The following DMD variants were observed in gnomAD, a reference collection of about 807,000 sequenced individuals.
DMD encodes the protein mutant dystrophin.
Under a neutral mutation model 330.1 loss-of-function variants are expected in DMD, and 63 were observed. That is an observed-to-expected ratio of 0.19 (90% CI 0.16 to 0.24). DMD has a LOEUF of 0.24. Among genes scored for constraint, DMD ranks in the 10% least tolerant of loss-of-function variants. The pLI is 1.00. For missense variants in DMD, 3,344 were observed against 2,684.1 expected, an observed-to-expected ratio of 1.25 and a Z score of -5.43; for synonymous variants, 1,223 against 959.8, an observed-to-expected ratio of 1.27 and a Z score of -5.07.
At chrX:32,527,490 G>A (rs1229362607) in intron 17 of DMD, among the ~76,000 whole-genome samples, 1 of 110,157 alleles carries the variant, frequency 9.1e-6, no homozygotes, top group Non-Finnish European at 1.9e-5. Context: ...CACATCATCT[G>A]TGAAGGTTTT....
intron 1 of DMD, among the ~76,000 whole-genome samples, chrX:33,176,354 CCT>C (rs1165101873): frequency 1.8e-5 from 2 of 109,981 alleles, no homozygotes; most frequent in African/African-American, 6.6e-5. Context: ...TGAAACTTCC[CCT>C]GAGTCGGAAC....
intron 52 of DMD, among the ~76,000 whole-genome samples, chrX:31,682,923 T>C (rs1171153995): frequency 8.9e-6 from 1 of 112,058 alleles, no homozygotes; most frequent in Non-Finnish European, 1.9e-5. Context: ...GTTCTTCCTA[T>C]TATGTAGGAA....
chrX:32,348,861 G>T (rs142364657), intron 37 of DMD, among the ~76,000 whole-genome samples: 1 of 111,319 alleles, frequency 9.0e-6, no homozygotes, highest in African/African-American at 3.3e-5. Context: ...TAAATATTCT[G>T]ATATAAATAC....
At chrX:33,058,181 AT>A (rs1230363503) in intron 1 of DMD, among the ~76,000 whole-genome samples, 1 of 112,082 alleles carries the variant, frequency 8.9e-6, no homozygotes, top group African/African-American at 3.2e-5. Context: ...CGCCCAGTCT[AT>A]ACCGCATTTT....
At chrX:33,226,003 G>C (rs762307499) in intron 1 of DMD, among the ~76,000 whole-genome samples, 1 of 111,133 alleles carries the variant, frequency 9.0e-6, no homozygotes, top group Non-Finnish European at 1.9e-5. Context: ...AGGGAAATTC[G>C]AATTAAAACC....
intron 12 of DMD, among the ~76,000 whole-genome samples, chrX:32,601,175 T>C (rs1045468044): frequency 9.9e-5 from 11 of 111,491 alleles, no homozygotes; most frequent in African/African-American, 3.6e-4. Flanking sequence ...TGCAGTGAAA[T>C]ATTCACTTTG....
chrX:31,354,869 G>C (rs2058591745), intron 60 of DMD, among the ~76,000 whole-genome samples: 2 of 111,831 alleles, frequency 1.8e-5, no homozygotes, highest in Admixed American at 1.9e-4. Context: ...CCTCTTATTT[G>C]TCAGGCACTG....
chrX:32,437,994 C>T (rs1388638666), intron 29 of DMD, among the ~76,000 whole-genome samples: 1 of 111,815 alleles, frequency 8.9e-6, no homozygotes, highest in Non-Finnish European at 1.9e-5. Context: ...GAAAAGAACT[C>T]TGTGGTCAGA....
intron 21 of DMD, among the ~76,000 whole-genome samples, chrX:32,473,656 T>C (rs182238360): frequency 9.0e-6 from 1 of 111,424 alleles, no homozygotes; most frequent in Non-Finnish European, 1.9e-5. Flanking sequence ...GCTGAAATGT[T>C]AGAAATGGAT....
At chrX:32,622,728 T>C (rs1184678223) in intron 11 of DMD, among the ~76,000 whole-genome samples, 2 of 111,954 alleles carry the variant, frequency 1.8e-5, no homozygotes, top group Non-Finnish European at 3.8e-5. Context: ...CCTTATGTTA[T>C]GTTTCTGGCT....
chrX:33,309,272 C>G (rs927899026), intron 1 of DMD, among the ~76,000 whole-genome samples: 3 of 111,461 alleles, frequency 2.7e-5, no homozygotes, highest in Non-Finnish European at 3.8e-5. Flanking sequence ...TTGGTCTGCT[C>G]TAGCGCGCTA....
At chrX:32,732,771 A>T (rs1243647146) in intron 7 of DMD, among the ~76,000 whole-genome samples, 6 of 110,290 alleles carry the variant, frequency 5.4e-5, no homozygotes, top group Non-Finnish European at 9.5e-5. Context: ...AGCGCTAAAC[A>T]TGGAAAGGAA....
rs776441414 is a variant in DMD, at chrX:31,253,522, CAA to C, written c.9286+7431_9286+7432del. On this transcript the variant is annotated intron_variant, in intron 63 of 78. Transcript: ENST00000357033. ...ACTTAATGGAATGTAGAAAGCCTAT[CAA>C]AAGAGGAGAGTGAACAAATAACTAC... is the stretch of plus-strand genomic sequence containing the variant. Among the ~76,000 whole-genome samples the C allele has an allele frequency of 5.4e-5, 6 of 111,998 alleles. No individual in the cohort carries two copies. In the South Asian group the frequency reaches 2.2e-3, roughly 42 times the overall value.
intron 44 of DMD, among the ~76,000 whole-genome samples, chrX:32,037,015 A>T (rs1182776677): frequency 9.0e-6 from 1 of 111,640 alleles, no homozygotes; most frequent in East Asian, 2.8e-4. Flanking sequence ...CTAGAAGTCA[A>T]TGTGCAGTGT....
intron 60 of DMD, among the ~76,000 whole-genome samples, chrX:31,409,593 C>G (rs1304543085): frequency 8.9e-6 from 1 of 111,804 alleles, no homozygotes; most frequent in Non-Finnish European, 1.9e-5. Flanking sequence ...GTAATAGCTA[C>G]TGAAATATTT....
At chrX:31,480,209 C>T (rs779632721) in intron 57 of DMD, among the ~76,000 whole-genome samples, 96 of 111,679 alleles carry the variant, frequency 8.6e-4, no homozygotes, top group Middle Eastern at 4.7e-3. Context: ...CCTTGAATTT[C>T]AGATATGCCA....
At chrX:31,883,852 T>C (rs1369073814) in intron 47 of DMD, among the ~76,000 whole-genome samples, 3 of 107,208 alleles carry the variant, frequency 2.8e-5, no homozygotes, top group Non-Finnish European at 3.9e-5. Flanking sequence ...GATATTTCTC[T>C]AAAGCAAACA....
At chrX:32,716,579 G>A (rs930834315) in intron 7 of DMD, among the ~76,000 whole-genome samples, 2 of 111,239 alleles carry the variant, frequency 1.8e-5, no homozygotes, top group African/African-American at 6.5e-5. Flanking sequence ...GAGAGGTAGG[G>A]CACTGCTACG....
rs185896439 is a variant in DMD at position 32,841,849 on chromosome X, G to C, written c.264+2934C>G. Among the ~76,000 whole-genome samples the C allele has an allele frequency of 7.2e-5, 8 of 111,815 alleles. No homozygotes were observed. The East Asian group carries it at 2.3e-3, about 32-fold the overall frequency. Reference sequence around the variant, plus strand: ...TTAAAGAATAAACTATATCCAAGTGGAGAACTTGTTTTTATTAATATTAAC... The same window carrying C: ...TTAAAGAATAAACTATATCCAAGTGCAGAACTTGTTTTTATTAATATTAAC... On this transcript the variant is annotated intron_variant, in intron 4 of 78. Transcript: ENST00000357033.
Sources: allele counts gnomAD v4.1 joint callset (sites outside exome capture counted in the v4.1 genomes callset), GRCh38; gene constraint gnomAD v4.1.1; transcripts MANE v1.5; gene names NCBI Gene and HGNC (gene_info 2026-07-23, HGNC 2026-07-21).